PTPN13: variants seen among roughly 807,000 people sequenced by gnomAD.
PTPN13 encodes protein tyrosine phosphatase non-receptor type 13, also known as tyrosine-protein phosphatase non-receptor type 13.
In PTPN13, 191 loss-of-function variants were observed where a neutral mutation model predicts 284.0. The ratio of observed to expected loss-of-function variants is 0.67; its 90% CI spans 0.60 to 0.76. The LOEUF (loss-of-function observed/expected upper bound fraction) is 0.76. Among genes scored for constraint, PTPN13 ranks in the 30% least tolerant of loss-of-function variants. The probability of loss-of-function intolerance (pLI) is 0.00; values close to 1 mark genes in which losing one functional copy is unlikely to be tolerated. For missense variants in PTPN13, 2,797 were observed against 2,939.9 expected (o/e 0.95, Z 1.12); for synonymous variants, 986 against 1,022.3 (o/e 0.96, Z 0.68).
At chr4:86,618,927 C>G (rs755713611) in intron 1 of PTPN13, among the ~76,000 whole-genome samples, 1 of 152,194 alleles carries the variant, frequency 6.6e-6, no homozygotes, top group African/African-American at 2.4e-5. Context: ...ATTTCCTTCT[C>G]CTGCCTGATT....
rs369664420 is a variant in PTPN13 at position 86,772,980 on chromosome 4, T to TA, written c.5349+31dup. On this transcript the variant is annotated intron_variant, in intron 32 of 47. Coordinates refer to ENST00000411767, the MANE Select transcript of PTPN13 (RefSeq NM_080683.3). ...ACTGGTAAGTTGTTTTCTCTATATT[T>TA]AAAAAAAAATCCATATTTTTTAAAA... is the stretch of plus-strand genomic sequence containing the variant. 502 of 1,445,232 alleles carry TA rather than the reference T, an allele frequency of 3.5e-4. 1 individual carries two copies. Among genetic ancestry groups the TA allele is most frequent in the East Asian group, 2.9e-3 (119 of 41,136 alleles). 89.5% of individuals were successfully genotyped at this position (1,445,232 alleles called of 1,614,324 possible).
At chr4:86,747,435 A>G (rs540067128) in intron 17 of PTPN13, among the ~76,000 whole-genome samples, 113 of 152,216 alleles carry the variant, frequency 7.4e-4, no homozygotes, top group Non-Finnish European at 1.4e-3. Context: ...TGAAGTATTC[A>G]TTATCATTGT....
chr4:86,618,519 T>C (rs376958836), intron 1 of PTPN13, among the ~76,000 whole-genome samples: 1 of 152,144 alleles, frequency 6.6e-6, no homozygotes, highest in Non-Finnish European at 1.5e-5. Flanking sequence ...ACCTTGGGCA[T>C]TATGGCCATT....
Position 86,634,426 on chromosome 4 carries a change from T to C in PTPN13, c.-5-826T>C, listed in dbSNP as rs141917988. On this transcript the variant is annotated intron_variant, in intron 1 of 47. Coordinates refer to ENST00000411767, the MANE Select transcript of PTPN13 (RefSeq NM_080683.3). ...TAGGCTTATTAAGCCCCATAGAAAATCTTAAGTTTTATCAGTATATCATCA... is the reference window on the plus strand; with the variant it reads ...TAGGCTTATTAAGCCCCATAGAAAACCTTAAGTTTTATCAGTATATCATCA... 6.6e-3 allele frequency among the ~76,000 whole-genome samples: 1,000 copies of C among 152,270 alleles called. 9 individuals carry two copies. Among genetic ancestry groups the C allele is most frequent in the Admixed American group, 0.013 (201 of 15,280 alleles).
chr4:86,745,110 C>G lies in PTPN13; in HGVS notation c.2632C>G (p.Gln878Glu). The G allele has an allele frequency of 6.2e-7, 1 of 1,610,226 alleles. No homozygotes were observed. The highest frequency in any genetic ancestry group is 1.3e-5 in the African/African-American group (1 of 74,878). ...QLQMRARQSN[Q>E]DAQDIERASF... Reference sequence around the variant, plus strand: ...ACAGATGAGAGCAAGACAGAGCAACCAAGATGCCCAAGATATTGGTAAGGA... The same window carrying G: ...ACAGATGAGAGCAAGACAGAGCAACGAAGATGCCCAAGATATTGGTAAGGA... Residue 878 changes from glutamine to glutamate, a missense_variant, in exon 17 of 48, where the codon CAA (glutamine) becomes GAA (glutamate). By Grantham distance (29) the Gln-to-Glu change is conservative (BLOSUM62 2). Transcript: ENST00000411767.
At chr4:86,736,231 G>A (rs1735487636) in intron 15 of PTPN13, among the ~76,000 whole-genome samples, 1 of 152,106 alleles carries the variant, frequency 6.6e-6, no homozygotes, top group Non-Finnish European at 1.5e-5. Context: ...TGACTTATTA[G>A]TTTACAGTTC....
chr4:86,646,080 A>G (rs1360819343), intron 2 of PTPN13, among the ~76,000 whole-genome samples: 4 of 151,890 alleles, frequency 2.6e-5, no homozygotes, highest in Non-Finnish European at 5.9e-5. Context: ...TTGGATATCC[A>G]TATATCAAAA....
chr4:86,762,736 C>T lies in PTPN13; in HGVS notation c.3563C>T (p.Thr1188Ile), dbSNP rs186651045. The change falls in exon 24 of 48, where the codon ACT (threonine) becomes ATT (isoleucine). Residue 1188 changes from threonine (T) to isoleucine (I), a missense_variant. Coordinates refer to ENST00000411767, the MANE Select transcript of PTPN13 (RefSeq NM_080683.3). ...PKEKISKVPS[T>I]PVHLTNEMKN... is the part of the protein sequence containing the mutation. ...GGATTTTGACTTTTAGTGCCTTCTA[C>T]TCCTGTGCATCTCACCAATGAGATG... 2.2e-3 allele frequency: 3,501 copies of T among 1,596,332 alleles called. 7 individuals carry two copies. Among genetic ancestry groups the T allele is most frequent in the Non-Finnish European group, 2.8e-3 (3,281 of 1,165,164 alleles).
chr4:86,798,886 C>T (rs532363515), intron 41 of PTPN13, among the ~76,000 whole-genome samples: 19 of 152,190 alleles, frequency 1.2e-4, no homozygotes, highest in Admixed American at 7.2e-4. Context: ...AGTTCAAAAA[C>T]GGGATCTGTC....
intron 2 of PTPN13, among the ~76,000 whole-genome samples, chr4:86,636,603 G>A (rs937291554): frequency 6.6e-6 from 1 of 152,100 alleles, no homozygotes; most frequent in African/African-American, 2.4e-5. Context: ...AATGAAGGCA[G>A]AAATAAAGAT....
At chr4:86,658,415 C>T (rs1726100827) in intron 2 of PTPN13, among the ~76,000 whole-genome samples, 1 of 152,162 alleles carries the variant, frequency 6.6e-6, no homozygotes, top group African/African-American at 2.4e-5. Flanking sequence ...TTTTATCACT[C>T]ACCTGATCTT....
At chr4:86,628,980 T>C (rs928431204) in intron 1 of PTPN13, among the ~76,000 whole-genome samples, 1 of 151,890 alleles carries the variant, frequency 6.6e-6, no homozygotes, top group African/African-American at 2.4e-5. Context: ...CATGTGTCTT[T>C]ATAGCAGCAT....
At chr4:86,626,070 C>T (rs1235009790) in intron 1 of PTPN13, among the ~76,000 whole-genome samples, 1 of 152,084 alleles carries the variant, frequency 6.6e-6, no homozygotes, top group Non-Finnish European at 1.5e-5. Context: ...CTGTTGGTAC[C>T]TTCCAGTTGG....
In PTPN13 at chr4:86,678,467, G is replaced by A. The variant is rs188106576; in HGVS notation, c.294+5924G>A. ...TTTTATTCTTCCTTCTTTCTAAAGG[G>A]CTAAAAAGTGATTGACTATTTGCTG... On this transcript the variant is annotated intron_variant, in intron 3 of 47. Coordinates refer to ENST00000411767, the MANE Select transcript of PTPN13 (RefSeq NM_080683.3). Among the ~76,000 whole-genome samples the A allele has an allele frequency of 4.0e-3, 609 of 152,240 alleles. 3 individuals carry two copies. The highest frequency in any genetic ancestry group is 7.4e-3 in the Admixed American group (113 of 15,294).
At chr4:86,731,704 T>G (rs948471798) in intron 10 of PTPN13, among the ~76,000 whole-genome samples, 2 of 152,180 alleles carry the variant, frequency 1.3e-5, no homozygotes, top group African/African-American at 4.8e-5. Context: ...AGTGTAGTGG[T>G]GTGATTATAG....
intron 4 of PTPN13, among the ~76,000 whole-genome samples, chr4:86,688,098 G>A (rs1729633852): frequency 6.6e-6 from 1 of 152,122 alleles, no homozygotes; most frequent in Admixed American, 6.6e-5. Context: ...GGAAAACAGA[G>A]TTGGGACTTC....
chr4:86,658,020 G>C (rs1169010706), intron 2 of PTPN13, among the ~76,000 whole-genome samples: 3 of 152,184 alleles, frequency 2.0e-5, no homozygotes, highest in Non-Finnish European at 4.4e-5. Flanking sequence ...GCGTTTGCCT[G>C]AGGACTGCAG....
At chr4:86,811,738 T>C (rs1264921599) in intron 47 of PTPN13, among the ~76,000 whole-genome samples, 1 of 152,058 alleles carries the variant, frequency 6.6e-6, no homozygotes, top group Non-Finnish European at 1.5e-5. Context: ...AATGGAAGAG[T>C]GGGGGATGTA....
At chr4:86,687,830 T>C (rs1377970782) in intron 4 of PTPN13, among the ~76,000 whole-genome samples, 1 of 152,052 alleles carries the variant, frequency 6.6e-6, no homozygotes, top group Non-Finnish European at 1.5e-5. Flanking sequence ...CAAATATAAA[T>C]AGAGAGTCAA....
Sources: gnomAD v4.1 joint callset for allele counts (sites outside exome capture counted in the v4.1 genomes callset) on GRCh38, gnomAD v4.1.1 for gene constraint, MANE v1.5 for transcripts, NCBI Gene and HGNC (gene_info 2026-07-23, HGNC 2026-07-21) for gene names.